The following DCPH1 variants were observed in gnomAD, a reference collection of about 807,000 sequenced individuals.
DCPH1 encodes the protein damage-control phosphatase 1.
the DCPH1 span, chr6:151,458,545 G>T: frequency 3.7e-6 from 6 of 1,610,522 alleles, no homozygotes; most frequent in Non-Finnish European, 4.2e-6. Flanking sequence ...TACATGTATC[G>T]AAGAATTCAT....
At chr6:151,464,358 A>G in the DCPH1 span, 1 of 770,222 alleles carries the variant, frequency 1.3e-6, no homozygotes, top group Non-Finnish European at 2.1e-6. Context: ...GTTAGCACTG[A>G]TTATTGAGAC....
At chr6:151,460,813 A>C in the DCPH1 span, among the ~76,000 whole-genome samples, 6 of 151,930 alleles carry the variant, frequency 3.9e-5, no homozygotes, top group Admixed American at 1.3e-4. Flanking sequence ...AACAAAAAAA[A>C]CTCCGGTGCA....
the DCPH1 span, chr6:151,458,236 C>G: frequency 6.9e-7 from 1 of 1,459,336 alleles, no homozygotes; most frequent in African/African-American, 1.4e-5. Context: ...GAACATTTTT[C>G]TTTTCTTCTT....
At chr6:151,465,872 A>T in the DCPH1 span, among the ~76,000 whole-genome samples, 1 of 152,320 alleles carries the variant, frequency 6.6e-6, no homozygotes, top group East Asian at 1.9e-4. Flanking sequence ...AGGGCAAGCA[A>T]AGTCACAAAT....
chr6:151,457,017 C>T, the DCPH1 span, among the ~76,000 whole-genome samples: 1 of 152,178 alleles, frequency 6.6e-6, no homozygotes, highest in Non-Finnish European at 1.5e-5. Flanking sequence ...CAGATAAAGT[C>T]TGCTTTTGGT....
chr6:151,458,430 G>C, the DCPH1 span: 2 of 1,613,428 alleles, frequency 1.2e-6, no homozygotes, highest in African/African-American at 2.7e-5. Flanking sequence ...GAAATTTGTT[G>C]ATACTGATAT....
the DCPH1 span, among the ~76,000 whole-genome samples, chr6:151,466,731 A>G: frequency 6.6e-6 from 1 of 152,158 alleles, no homozygotes; most frequent in East Asian, 1.9e-4. Flanking sequence ...GGGAATATAG[A>G]CAATGAAGTA....
At chr6:151,453,702 C>A in the DCPH1 span, among the ~76,000 whole-genome samples, 2 of 152,188 alleles carry the variant, frequency 1.3e-5, no homozygotes, top group African/African-American at 4.8e-5. Flanking sequence ...CAGCTAAGCT[C>A]TGTGCTCTAT....
At chr6:151,468,226 A>T in the DCPH1 span, 16 of 651,328 alleles carry the variant, frequency 2.5e-5, no homozygotes, top group Admixed American at 3.2e-4. Flanking sequence ...ATGGTCATGT[A>T]AAGAGTTTTG....
the DCPH1 span, chr6:151,452,675 C>T: frequency 9.8e-6 from 13 of 1,330,018 alleles, no homozygotes; most frequent in East Asian, 1.0e-4. Flanking sequence ...GCCCGCTCCC[C>T]GGTGGGCTGC....
At chr6:151,453,853 A>G in the DCPH1 span, among the ~76,000 whole-genome samples, 10 of 152,160 alleles carry the variant, frequency 6.6e-5, no homozygotes, top group Admixed American at 4.6e-4. Context: ...TTAATTTTTT[A>G]ATGCAGGTAT....
the DCPH1 span, among the ~76,000 whole-genome samples, chr6:151,465,247 C>T: frequency 1.3e-5 from 2 of 152,168 alleles, no homozygotes; most frequent in African/African-American, 4.8e-5. Flanking sequence ...ATTTACAACA[C>T]ATTATTAGAA....
At chr6:151,455,948 G>T in the DCPH1 span, among the ~76,000 whole-genome samples, 1 of 152,268 alleles carries the variant, frequency 6.6e-6, no homozygotes, top group Non-Finnish European at 1.5e-5. Flanking sequence ...CTCTCAAGGA[G>T]TATGCTGCCT....
chr6:151,467,095 A>G, the DCPH1 span, among the ~76,000 whole-genome samples: 2 of 152,074 alleles, frequency 1.3e-5, no homozygotes, highest in East Asian at 1.9e-4. Context: ...TACTAAAAAT[A>G]CAAAAAATTA....
the DCPH1 span, among the ~76,000 whole-genome samples, chr6:151,460,934 A>T: frequency 6.6e-6 from 1 of 152,224 alleles, no homozygotes; most frequent in Non-Finnish European, 1.5e-5. Flanking sequence ...AGGCGTTGTT[A>T]TGGTTTCCAT....
the DCPH1 span, among the ~76,000 whole-genome samples, chr6:151,465,132 G>A: frequency 6.6e-6 from 1 of 152,142 alleles, no homozygotes. Flanking sequence ...TGTTAGCATC[G>A]GTAGGTGATA....
At chr6:151,468,571 TTAA>T in the DCPH1 span, 41 of 1,614,028 alleles carry the variant, frequency 2.5e-5, no homozygotes, top group Non-Finnish European at 3.5e-5. Context: ...TGTTACAGAT[TTAA>T]TATTAGCCGA....
the DCPH1 span, chr6:151,458,289 C>G: frequency 6.3e-7 from 1 of 1,579,652 alleles, no homozygotes; most frequent in Non-Finnish European, 8.6e-7. Context: ...TGCACAGACA[C>G]ACACACACAC....
chr6:151,453,856 G>A, the DCPH1 span, among the ~76,000 whole-genome samples: 2 of 152,070 alleles, frequency 1.3e-5, no homozygotes, highest in South Asian at 4.1e-4. Context: ...ATTTTTTAAT[G>A]CAGGTATAAG....
Sources: gnomAD v4.1 joint callset for allele counts (sites outside exome capture counted in the v4.1 genomes callset) on GRCh38, gnomAD v4.1.1 for gene constraint, MANE v1.5 for transcripts, NCBI Gene and HGNC (gene_info 2026-07-23, HGNC 2026-07-21) for gene names.